Variants in TRMT44 observed in about 807,000 individuals in gnomAD.
TRMT44 encodes probable tRNA (uracil-O(2)-)-methyltransferase.
In TRMT44, 78 loss-of-function variants were observed where a neutral mutation model predicts 77.3. That is an observed-to-expected ratio of 1.01 (90% CI 0.84 to 1.22). The LOEUF is 1.22. Ranked by LOEUF, TRMT44 falls within the 50% of genes most tolerant of loss-of-function variation. The pLI is 0.00. For missense variants in TRMT44, 1,090 were observed against 964.4 expected (o/e 1.13, Z -1.73); for synonymous variants, 391 against 383.3 (o/e 1.02, Z -0.23).
rs75483749 is a variant in TRMT44, at chr4:8,461,474, A to T, written c.1204-2511A>T. ...GTAGGAAATTCAAGCAGCAGTGAGTAGGCCATCTGTGTAAGCCCAGACCCT... is the reference window on the plus strand; with the variant it reads ...GTAGGAAATTCAAGCAGCAGTGAGTTGGCCATCTGTGTAAGCCCAGACCCT... On this transcript the variant is annotated intron_variant, in intron 6 of 10. Coordinates refer to ENST00000389737, the MANE Select transcript of TRMT44 (RefSeq NM_152544.3). The surrounding 1 kb of genome is among the most constrained non-coding windows in gnomAD (Gnocchi z 4.6). Among the ~76,000 whole-genome samples the T allele has an allele frequency of 6.6e-6, 1 of 152,144 alleles. No individual in the cohort carries two copies. The highest frequency in any genetic ancestry group is 1.5e-5 in the Non-Finnish European group (1 of 68,030).
the TRMT44 span, among the ~76,000 whole-genome samples, chr4:8,506,349 T>C: frequency 1.3e-5 from 2 of 152,236 alleles, no homozygotes; most frequent in South Asian, 2.1e-4. Context: ...CTAAACCCTC[T>C]GTTACCCAGA....
intron 1 of TRMT44, among the ~76,000 whole-genome samples, chr4:8,443,015 G>A (rs759000640): frequency 7.2e-5 from 11 of 152,078 alleles, no homozygotes; most frequent in Non-Finnish European, 1.0e-4. Context: ...TGGGTATTAC[G>A]GCATGGACAC....
intron 2 of TRMT44, among the ~76,000 whole-genome samples, chr4:8,487,576 T>G (rs1054788006): frequency 1.4e-5 from 2 of 147,686 alleles, no homozygotes; most frequent in Admixed American, 6.8e-5. Context: ...GGTGCAGAGA[T>G]AAGAGGTTGG....
chr4:8,471,554 G>A (rs543232933), intron 10 of TRMT44, among the ~76,000 whole-genome samples: 12 of 152,346 alleles, frequency 7.9e-5, no homozygotes, highest in South Asian at 4.1e-4. Context: ...ATTGTTTGGC[G>A]TCATCTTTAG....
At chr4:8,462,365 C>A (rs562158342) in intron 6 of TRMT44, among the ~76,000 whole-genome samples, 1 of 151,566 alleles carries the variant, frequency 6.6e-6, no homozygotes, top group Non-Finnish European at 1.5e-5. Flanking sequence ...GAGCCGAGAT[C>A]GCACCACTGC....
In TRMT44 at chr4:8,446,405, T is replaced by G. The variant is rs1725061014; in HGVS notation, c.620-71T>G. 1 of 1,014,530 alleles carries G rather than the reference T, an allele frequency of 9.9e-7. No individual in the cohort carries two copies. Among genetic ancestry groups the G allele is most frequent in the Admixed American group, 2.1e-5 (1 of 48,042 alleles). The allele number at this position is 1,014,530 out of a possible 1,614,324, so 62.8% of individuals were successfully genotyped here. The stretch of plus-strand genomic sequence containing the variant: ...AGCATCGTGCTTGACTCATCCCTAT[T>G]TTTAATACTGCTTCTGATGAGACGG... On this transcript the variant is annotated intron_variant, in intron 1 of 10. Coordinates refer to ENST00000389737, the MANE Select transcript of TRMT44 (RefSeq NM_152544.3). This position sits in a 1 kb window ranked among gnomAD's most constrained non-coding sequence, Gnocchi z 4.3.
At chr4:8,448,875 C>T (rs538680015) in intron 2 of TRMT44, among the ~76,000 whole-genome samples, 59 of 152,262 alleles carry the variant, frequency 3.9e-4, no homozygotes, top group Non-Finnish European at 7.2e-4. Context: ...CGGCTCTGCC[C>T]CGCTCACCCA....
chr4:8,472,184 C>T (rs1301945774), intron 10 of TRMT44, among the ~76,000 whole-genome samples: 1 of 152,190 alleles, frequency 6.6e-6, no homozygotes, highest in Non-Finnish European at 1.5e-5. Flanking sequence ...GGAGAACTGG[C>T]CTGGCCCGAG....
At chr4:8,490,550 T>C (rs1374088295) in intron 2 of TRMT44, among the ~76,000 whole-genome samples, 3 of 152,090 alleles carry the variant, frequency 2.0e-5, no homozygotes, top group African/African-American at 7.2e-5. Flanking sequence ...CGGTGAGTGT[T>C]ACAGTTCTTA....
intron 7 of TRMT44, among the ~76,000 whole-genome samples, chr4:8,465,060 G>A (rs1351848982): frequency 1.3e-5 from 2 of 152,138 alleles, no homozygotes; most frequent in African/African-American, 2.4e-5. Flanking sequence ...ACTGGGGACT[G>A]CTGGAGTGGG....
intron 2 of TRMT44, among the ~76,000 whole-genome samples, chr4:8,484,090 G>A (rs1727725116): frequency 6.6e-6 from 1 of 152,170 alleles, no homozygotes; most frequent in Non-Finnish European, 1.5e-5. Flanking sequence ...GCGGGCTAGT[G>A]GCTTGTACTA....
the TRMT44 span, among the ~76,000 whole-genome samples, chr4:8,506,221 T>C: frequency 3.3e-5 from 5 of 152,212 alleles, no homozygotes; most frequent in East Asian, 3.9e-4. Flanking sequence ...GGGGACCTCC[T>C]TGAGACCAGG....
chr4:8,454,104 C>A (rs77780017), intron 5 of TRMT44, among the ~76,000 whole-genome samples: 8,506 of 152,170 alleles, frequency 0.056, 394 homozygotes, highest in African/African-American at 0.13. Flanking sequence ...CTATGAGAGC[C>A]AATGAGTGTG....
At position 8,452,939 on chromosome 4, in the gene TRMT44, G is replaced by T. The variant is rs1462882590; in HGVS notation, c.1081G>T (p.Asp361Tyr). Residue 361 changes from aspartate to tyrosine, a missense_variant, in exon 5 of 11, where the codon GAC becomes TAC. Asp to Tyr is a radical substitution (Grantham distance 160, BLOSUM62 -3). Transcript: ENST00000389737. The surrounding 1 kb of genome is among the most constrained non-coding windows in gnomAD (Gnocchi z 5.7). Reference protein sequence around the residue: ...RRLTARQSFVDLGCGNGLLVH... With the variant: ...RRLTARQSFVYLGCGNGLLVH... ...ACTAACTGCCAGGCAGTCCTTTGTG[G>T]ACCTGGGATGTGGAAATGGCCTCCT... The T allele has an allele frequency of 6.5e-7, 1 of 1,533,534 alleles. No homozygotes were observed. Among genetic ancestry groups the T allele is most frequent in the South Asian group, 1.2e-5 (1 of 83,614 alleles). 95.0% of individuals were successfully genotyped at this position (1,533,534 alleles called of 1,614,324 possible).
the TRMT44 span, among the ~76,000 whole-genome samples, chr4:8,506,422 C>T: frequency 2.0e-5 from 3 of 152,206 alleles, no homozygotes; most frequent in Non-Finnish European, 4.4e-5. Flanking sequence ...CCTGACTCCA[C>T]CAAAAACAAA....
At chr4:8,509,833 G>C in the TRMT44 span, 1 of 152,288 alleles carries the variant, frequency 6.6e-6, no homozygotes, top group Non-Finnish European at 1.5e-5. Flanking sequence ...GGGGAAGCGA[G>C]AGCAGCGGTG....
intron 3 of TRMT44, 56 bp downstream of exon 3, chr4:8,449,944 CTTTTCTTTTTTTT>C: frequency 5.3e-6 from 2 of 376,684 alleles, no homozygotes; most frequent in South Asian, 5.4e-5. Flanking sequence ...CTTTTCTTTT[CTTTTCTTTTTTTT>C]TTTTTTTTTT....
intron 9 of TRMT44, among the ~76,000 whole-genome samples, chr4:8,469,569 G>A (rs183639560): frequency 3.3e-5 from 5 of 152,342 alleles, no homozygotes; most frequent in African/African-American, 9.6e-5. Flanking sequence ...TGGGATGGAC[G>A]GCTTTCGGTG....
At chr4:8,450,792 GTTTTTT>G (rs59875098) in intron 3 of TRMT44, among the ~76,000 whole-genome samples, 2 of 96,674 alleles carry the variant, frequency 2.1e-5, no homozygotes, top group Non-Finnish European at 3.9e-5. Flanking sequence ...TCATTTCCAT[GTTTTTT>G]TTTTTTTTTT....
Sources: gnomAD v4.1 joint callset for allele counts (sites outside exome capture counted in the v4.1 genomes callset) on GRCh38, gnomAD v4.1.1 for gene constraint, Gnocchi (gnomAD v3.1) non-coding constraint, MANE v1.5 for transcripts, NCBI Gene and HGNC (gene_info 2026-07-23, HGNC 2026-07-21) for gene names.